Variants in CDH20 observed in about 807,000 individuals in gnomAD.
CDH20 encodes the protein cadherin-20.
CDH20 carries 29 observed loss-of-function variants against 74.2 expected under a neutral mutation model. The ratio of observed to expected loss-of-function variants is 0.39; its 90% CI spans 0.29 to 0.53. The LOEUF (loss-of-function observed/expected upper bound fraction) is 0.53, where lower values mean the gene tolerates loss of function less well. Ranked by LOEUF, CDH20 falls within the 20% of genes least tolerant of loss-of-function variation. CDH20 has a pLI of 0.69. For missense variants in CDH20, 988 were observed against 1,048.3 expected (o/e 0.94, Z 0.79); for synonymous variants, 469 against 405.4 (o/e 1.16, Z -1.88).
intron 1 of CDH20, among the ~76,000 whole-genome samples, chr18:61,479,000 CATGT>C (rs1910492284): frequency 6.6e-6 from 1 of 151,816 alleles, no homozygotes; most frequent in South Asian, 2.1e-4. Flanking sequence ...AACACACTAA[CATGT>C]AAGTGTGTAC....
intron 1 of CDH20, among the ~76,000 whole-genome samples, chr18:61,425,836 CA>C (rs1178278831): frequency 6.6e-6 from 1 of 151,994 alleles, no homozygotes; most frequent in Non-Finnish European, 1.5e-5. Flanking sequence ...ACCTGTTCCC[CA>C]AAAACTATTG....
At chr18:61,424,977 A>C (rs934306041) in intron 1 of CDH20, among the ~76,000 whole-genome samples, 1 of 151,254 alleles carries the variant, frequency 6.6e-6, no homozygotes, top group African/African-American at 2.4e-5. Flanking sequence ...TCATTACTTG[A>C]TGGGTTCTTT....
chr18:61,450,729 A>G (rs1909358852), intron 1 of CDH20, among the ~76,000 whole-genome samples: 1 of 152,094 alleles, frequency 6.6e-6, no homozygotes, highest in Admixed American at 6.6e-5. Context: ...ATCATACTAT[A>G]CGTACTCTTA....
chr18:61,525,773 G>A (rs746476535), intron 6 of CDH20, among the ~76,000 whole-genome samples: 10 of 152,048 alleles, frequency 6.6e-5, no homozygotes, highest in Non-Finnish European at 1.5e-4. Context: ...ATTATTACAT[G>A]TACCCTGAAA....
chr18:61,507,857 C>G (rs867363447), intron 6 of CDH20, among the ~76,000 whole-genome samples: 1 of 152,130 alleles, frequency 6.6e-6, no homozygotes, highest in African/African-American at 2.4e-5. Flanking sequence ...TGTAGCTTAA[C>G]TTTCTAATGA....
chr18:61,485,391 G>A (rs1910723079), intron 1 of CDH20, among the ~76,000 whole-genome samples: 1 of 152,100 alleles, frequency 6.6e-6, no homozygotes, highest in Non-Finnish European at 1.5e-5. Flanking sequence ...GTGGAAGTGA[G>A]AGTACAACTC....
chr18:61,346,424 T>C (rs1910116160), intron 1 of CDH20, among the ~76,000 whole-genome samples: 1 of 152,146 alleles, frequency 6.6e-6, no homozygotes, highest in South Asian at 2.1e-4. Flanking sequence ...GCATGAAAAA[T>C]AAGTAACTGC....
intron 1 of CDH20, among the ~76,000 whole-genome samples, chr18:61,343,284 C>T (rs116455176): frequency 0.012 from 1,782 of 152,214 alleles, 39 homozygotes; most frequent in African/African-American, 0.041. Flanking sequence ...CATGGACATG[C>T]ACATTATGGT....
intron 1 of CDH20, among the ~76,000 whole-genome samples, chr18:61,485,975 A>T (rs957668776): frequency 4.6e-5 from 7 of 152,164 alleles, no homozygotes; most frequent in Non-Finnish European, 7.3e-5. Flanking sequence ...CGGGAGGCTG[A>T]GGCAGGAGAA....
intron 1 of CDH20, among the ~76,000 whole-genome samples, chr18:61,481,592 G>C (rs1910591016): frequency 6.6e-6 from 1 of 152,008 alleles, no homozygotes; most frequent in Non-Finnish European, 1.5e-5. Context: ...GTTTTGTTAG[G>C]GCATTAAAAG....
chr18:61,351,683 A>T (rs1221958185), intron 1 of CDH20, among the ~76,000 whole-genome samples: 1 of 152,128 alleles, frequency 6.6e-6, no homozygotes, highest in Non-Finnish European at 1.5e-5. Context: ...GGATAGTTTT[A>T]AAAAGCAGCA....
chr18:61,418,882 ATTTTG>A lies in CDH20; in HGVS notation c.-152-71515_-152-71511del, dbSNP rs569432289. Among the ~76,000 whole-genome samples the A allele has an allele frequency of 1.8e-4, 28 of 152,256 alleles. No individual in the cohort carries two copies. The South Asian group carries it at 5.6e-3, about 30-fold the overall frequency. On this transcript the variant is annotated intron_variant, in intron 1 of 11. Coordinates refer to ENST00000262717, the MANE Select transcript of CDH20 (RefSeq NM_031891.4). ...TATCTCTTTATGCACATAGGGAAAT[ATTTTG>A]TTTTATGGATTTTTTCCATAAACCA...
intron 1 of CDH20, among the ~76,000 whole-genome samples, chr18:61,380,787 CA>C (rs1911410083): frequency 6.6e-6 from 1 of 151,940 alleles, no homozygotes; most frequent in African/African-American, 2.4e-5. Context: ...CCAGCCTGGA[CA>C]ACAAGAGCGA....
At chr18:61,431,797 T>A (rs1376490113) in intron 1 of CDH20, among the ~76,000 whole-genome samples, 1 of 152,204 alleles carries the variant, frequency 6.6e-6, no homozygotes, top group African/African-American at 2.4e-5. Context: ...TGTATCTACA[T>A]CCTTTATCTG....
At chr18:61,379,388 C>A (rs1195477164) in intron 1 of CDH20, among the ~76,000 whole-genome samples, 1 of 152,110 alleles carries the variant, frequency 6.6e-6, no homozygotes, top group Non-Finnish European at 1.5e-5. Flanking sequence ...TTGAGGATGC[C>A]AAACCTTAGA....
At chr18:61,458,769 G>A (rs1318579289) in intron 1 of CDH20, among the ~76,000 whole-genome samples, 1 of 152,244 alleles carries the variant, frequency 6.6e-6, no homozygotes, top group Non-Finnish European at 1.5e-5. Context: ...CCCAGGATTT[G>A]TGTTTGTTGT....
intron 1 of CDH20, among the ~76,000 whole-genome samples, chr18:61,462,725 G>A (rs373231826): frequency 7.1e-4 from 42 of 59,420 alleles, no homozygotes; most frequent in African/African-American, 1.2e-3. Flanking sequence ...AAAAAAAAAA[G>A]GGGGGGGGGG....
intron 1 of CDH20, among the ~76,000 whole-genome samples, chr18:61,361,180 T>C (rs776556474): frequency 1.3e-5 from 2 of 152,214 alleles, no homozygotes; most frequent in Admixed American, 6.5e-5. Context: ...GGTACCTTCC[T>C]CTTCTGCTGT....
chr18:61,435,275 C>T (rs1908794102), intron 1 of CDH20, among the ~76,000 whole-genome samples: 1 of 152,052 alleles, frequency 6.6e-6, no homozygotes, highest in Admixed American at 6.6e-5. Flanking sequence ...CTAGTGGTAC[C>T]ACTATATACT....
Sources: allele counts gnomAD v4.1 joint callset (sites outside exome capture counted in the v4.1 genomes callset), GRCh38; gene constraint gnomAD v4.1.1; transcripts MANE v1.5; gene names NCBI Gene and HGNC (gene_info 2026-07-23, HGNC 2026-07-21).